TRIM44: variants seen among roughly 807,000 people sequenced by gnomAD.
The protein encoded by TRIM44 is tripartite motif-containing protein 44.
TRIM44 carries 13 observed loss-of-function variants against 37.4 expected under a neutral mutation model. That is an observed-to-expected ratio of 0.35 (90% CI 0.23 to 0.55). The LOEUF is 0.55. Ranked by LOEUF, TRIM44 falls within the 20% of genes least tolerant of loss-of-function variation. The pLI, the probability that TRIM44 is intolerant of heterozygous loss-of-function variation, is 0.89. For missense variants in TRIM44, 426 were observed against 437.2 expected (o/e 0.97, Z 0.23); for synonymous variants, 175 against 157.2 (o/e 1.11, Z -0.85).
At chr11:35,759,721 A>T (rs1039874840) in intron 4 of TRIM44, among the ~76,000 whole-genome samples, 1 of 151,220 alleles carries the variant, frequency 6.6e-6, no homozygotes, top group Non-Finnish European at 1.5e-5. Flanking sequence ...AACAGTCAGG[A>T]CCCTCAGCTG....
Position 35,817,713 on chromosome 11 carries a change from C to G in TRIM44, c.*11328C>G, listed in dbSNP as rs1407992303. On this transcript the variant is annotated 3_prime_UTR_variant, in exon 5 of 5. Coordinates refer to ENST00000299413, the MANE Select transcript of TRIM44 (RefSeq NM_017583.6). ...TCATGTTGAAATGTAATCCCCAATG[C>G]TGGAGGTGGGACCTGGTGGGAAGAT... 2 of 152,200 alleles carry G rather than the reference C, an allele frequency of 1.3e-5. No individual in the cohort carries two copies. Among genetic ancestry groups the G allele is most frequent in the African/African-American group, 4.8e-5 (2 of 41,452 alleles). 9.4% of individuals were successfully genotyped at this position (152,200 alleles called of 1,614,324 possible).
chr11:35,701,168 C>G (rs1465762738), intron 2 of TRIM44, among the ~76,000 whole-genome samples: 1 of 152,102 alleles, frequency 6.6e-6, no homozygotes, highest in African/African-American at 2.4e-5. Context: ...ATTTTTATAC[C>G]AGATCCTGGA....
intron 2 of TRIM44, among the ~76,000 whole-genome samples, chr11:35,718,339 A>T (rs1852062306): frequency 6.6e-6 from 1 of 152,126 alleles, no homozygotes; most frequent in Non-Finnish European, 1.5e-5. Context: ...TTTCTGTTTT[A>T]ATTGTATTAG....
At chr11:35,755,356 G>GT (rs36179409) in intron 4 of TRIM44, among the ~76,000 whole-genome samples, 1 of 152,000 alleles carries the variant, frequency 6.6e-6, no homozygotes, top group African/African-American at 2.4e-5. Context: ...GGGGTTGTTT[G>GT]TTTTTTTCTG....
At chr11:35,767,035 A>AT (rs1192934997) in intron 4 of TRIM44, among the ~76,000 whole-genome samples, 6 of 152,316 alleles carry the variant, frequency 3.9e-5, no homozygotes, top group Non-Finnish European at 8.8e-5. Flanking sequence ...TTTAGGCAAG[A>AT]TTCGTAAACA....
intron 2 of TRIM44, among the ~76,000 whole-genome samples, chr11:35,715,420 GT>G (rs1356630417): frequency 1.3e-5 from 2 of 151,248 alleles, no homozygotes; most frequent in African/African-American, 4.9e-5. Flanking sequence ...GTGTGTGTGT[GT>G]GTGTGTGTGG....
At chr11:35,701,082 A>G (rs1332599932) in intron 2 of TRIM44, among the ~76,000 whole-genome samples, 1 of 152,132 alleles carries the variant, frequency 6.6e-6, no homozygotes, top group Non-Finnish European at 1.5e-5. Context: ...CCGGGAAAGC[A>G]TGCAGTTTCT....
intron 1 of TRIM44, among the ~76,000 whole-genome samples, chr11:35,670,475 T>G (rs1438054323): frequency 6.6e-6 from 1 of 152,196 alleles, no homozygotes; most frequent in Non-Finnish European, 1.5e-5. Flanking sequence ...TTGTCTGGTG[T>G]TTTTTCTTAT....
At chr11:35,707,087 A>G (rs537277983) in intron 2 of TRIM44, among the ~76,000 whole-genome samples, 57 of 152,328 alleles carry the variant, frequency 3.7e-4, no homozygotes, top group Non-Finnish European at 5.9e-4. Flanking sequence ...AAATCAATGT[A>G]CAAAAATCAC....
rs112136832 is a variant in TRIM44, at chr11:35,663,083, C to T, written c.-29C>T. ...AGGAAGGCGGCGAGCCCCGGGGCCC[C>T]GAGGCCTTGGCCGCGTCACAGCACC... On this transcript the variant is annotated 5_prime_UTR_variant, in exon 1 of 5. Coordinates refer to ENST00000299413, the MANE Select transcript of TRIM44 (RefSeq NM_017583.6). The T allele has an allele frequency of 6.7e-7, 1 of 1,491,296 alleles. No homozygotes were observed. Among genetic ancestry groups the T allele is most frequent in the African/African-American group, 1.4e-5 (1 of 71,310 alleles). 92.4% of individuals were successfully genotyped at this position (1,491,296 alleles called of 1,614,324 possible). A position where few individuals can be genotyped will look rare whatever the true frequency, so the allele number is the denominator to read the frequency against.
chr11:35,796,277 A>C (rs1006103013), intron 4 of TRIM44, among the ~76,000 whole-genome samples: 2 of 152,226 alleles, frequency 1.3e-5, no homozygotes, highest in South Asian at 4.1e-4. Flanking sequence ...TCACACACAC[A>C]CTTGTGCATG....
chr11:35,674,781 A>T (rs1031753739), intron 1 of TRIM44, among the ~76,000 whole-genome samples: 2 of 152,236 alleles, frequency 1.3e-5, no homozygotes, highest in Non-Finnish European at 2.9e-5. Flanking sequence ...GGAAGCTTAC[A>T]GCCTAATAGG....
At chr11:35,783,463 A>G (rs1050326604) in intron 4 of TRIM44, among the ~76,000 whole-genome samples, 10 of 152,304 alleles carry the variant, frequency 6.6e-5, no homozygotes, top group Non-Finnish European at 1.2e-4. Flanking sequence ...CCAGCAACAC[A>G]TTATTTCAAA....
intron 4 of TRIM44, among the ~76,000 whole-genome samples, chr11:35,748,453 A>G (rs1045836605): frequency 6.6e-6 from 1 of 152,248 alleles, no homozygotes; most frequent in East Asian, 1.9e-4. Flanking sequence ...TTTAATCCTC[A>G]AAACAATTTA....
intron 1 of TRIM44, among the ~76,000 whole-genome samples, chr11:35,665,588 T>G (rs1306434926): frequency 1.9e-3 from 37 of 19,910 alleles, no homozygotes; most frequent in African/African-American, 9.9e-3. Context: ...ATATATCTGT[T>G]TTTTTTTTTT....
intron 1 of TRIM44, among the ~76,000 whole-genome samples, chr11:35,678,761 G>A (rs1018723600): frequency 1.3e-5 from 2 of 151,784 alleles, no homozygotes; most frequent in South Asian, 2.1e-4. Context: ...GGCCATGCCC[G>A]GCTTATTTTT....
intron 2 of TRIM44, among the ~76,000 whole-genome samples, chr11:35,685,867 T>G (rs1790100438): frequency 1.3e-5 from 2 of 152,208 alleles, no homozygotes; most frequent in Admixed American, 1.3e-4. Context: ...TTTCACCATG[T>G]TGGTCAGGCT....
chr11:35,757,752 A>G (rs777535808), intron 4 of TRIM44, among the ~76,000 whole-genome samples: 69 of 152,204 alleles, frequency 4.5e-4, no homozygotes, highest in Non-Finnish European at 9.1e-4. Flanking sequence ...TCATTTCGTT[A>G]TGTACCCAGT....
At chr11:35,755,044 G>A (rs7117939) in intron 4 of TRIM44, among the ~76,000 whole-genome samples, 38,560 of 151,956 alleles carry the variant, frequency 0.25, 5,971 homozygotes, top group Middle Eastern at 0.45. Flanking sequence ...TGGGTCAAAT[G>A]GTATTTCTAG....
Sources: gnomAD v4.1 joint callset for allele counts (sites outside exome capture counted in the v4.1 genomes callset) on GRCh38, gnomAD v4.1.1 for gene constraint, MANE v1.5 for transcripts, NCBI Gene and HGNC (gene_info 2026-07-23, HGNC 2026-07-21) for gene names.